Variants in SKI observed in about 807,000 individuals in gnomAD.
SKI encodes the protein SKI proto-oncogene, also known as ski oncogene.
Under a neutral mutation model 59.3 loss-of-function variants are expected in SKI, and 23 were observed. That is an observed-to-expected ratio of 0.39 (90% CI 0.28 to 0.55). The LOEUF (loss-of-function observed/expected upper bound fraction) is 0.55. SKI is among the 20% of genes least tolerant of loss of function. SKI has a pLI of 0.67. For synonymous variants in SKI, 673 were observed against 488.6 expected, an observed-to-expected ratio of 1.38 and a Z score of -4.98; for missense variants, 1,017 against 1,038.9, an observed-to-expected ratio of 0.98 and a Z score of 0.29.
intron 1 of SKI, among the ~76,000 whole-genome samples, chr1:2,280,476 C>T (rs1407342527): frequency 6.6e-6 from 1 of 152,052 alleles, no homozygotes; most frequent in Non-Finnish European, 1.5e-5. Flanking sequence ...AGTGACCGGA[C>T]ATTAAAATAC....
At position 2,267,170 on chromosome 1, in the gene SKI, G is replaced by A. The variant is rs1276765861; in HGVS notation, c.970-35808G>A. Among the ~76,000 whole-genome samples the A allele has an allele frequency of 6.6e-6, 1 of 152,126 alleles. No individual in the cohort carries two copies. The highest frequency in any genetic ancestry group is 1.5e-5 in the Non-Finnish European group (1 of 68,030). On this transcript the variant is annotated intron_variant, in intron 1 of 6. Coordinates refer to ENST00000378536, the MANE Select transcript of SKI (RefSeq NM_003036.4). This position sits in a 1 kb window ranked among gnomAD's most constrained non-coding sequence, Gnocchi z 4.1. ...GACTATTCAGGCGAGCAACTGCATC[G>A]AGCCAGCACTGAACTGGTTTTGTAA...
At chr1:2,256,303 T>C (rs1225854751) in intron 1 of SKI, among the ~76,000 whole-genome samples, 1 of 152,244 alleles carries the variant, frequency 6.6e-6, no homozygotes, top group Non-Finnish European at 1.5e-5. Context: ...CTGTCTGTGC[T>C]GCTTTCTGTC....
At chr1:2,279,099 C>T (rs1452425582) in intron 1 of SKI, among the ~76,000 whole-genome samples, 3 of 152,234 alleles carry the variant, frequency 2.0e-5, no homozygotes, top group African/African-American at 4.8e-5. Context: ...CTCCTGTCTC[C>T]TGGTGTCCCG....
chr1:2,291,765 C>T (rs1640167942), intron 1 of SKI, among the ~76,000 whole-genome samples: 1 of 152,254 alleles, frequency 6.6e-6, no homozygotes, highest in South Asian at 2.1e-4. Flanking sequence ...GGGAGCGCTA[C>T]TAATTGCTAC....
At chr1:2,253,804 C>A (rs1307828915) in intron 1 of SKI, among the ~76,000 whole-genome samples, 1 of 152,184 alleles carries the variant, frequency 6.6e-6, no homozygotes, top group Non-Finnish European at 1.5e-5. Context: ...TGTGCCCCCC[C>A]TACCAGGGCT....
At chr1:2,306,295 A>G (rs1175696652) in intron 6 of SKI, 45 bp downstream of exon 6, 6 of 1,475,478 alleles carry the variant, frequency 4.1e-6, no homozygotes, top group Non-Finnish European at 5.5e-6. Flanking sequence ...GTGGGCGTGG[A>G]GCCGCCGTGG....
intron 1 of SKI, among the ~76,000 whole-genome samples, chr1:2,263,140 A>G (rs1057234668): frequency 2.0e-5 from 3 of 151,714 alleles, no homozygotes; most frequent in Non-Finnish European, 4.4e-5. Context: ...ACCTCAAGTG[A>G]TCTGTCTGCC....
At chr1:2,272,385 G>A (rs1258016436) in intron 1 of SKI, among the ~76,000 whole-genome samples, 3 of 152,254 alleles carry the variant, frequency 2.0e-5, no homozygotes, top group Non-Finnish European at 4.4e-5. Context: ...AACCAGCGCA[G>A]TGGAAAGAGG....
rs1319885450 is a variant in SKI at position 2,304,026 on chromosome 1, G to T, written c.1398G>T (p.Glu466Asp). Residue 466 changes from glutamate (E) to aspartate (D), a missense_variant, in exon 4 of 7, where the codon GAG becomes GAT. Physicochemically the swap from Glu to Asp is conservative, Grantham distance 45 (BLOSUM62 2). Transcript: ENST00000378536. ...KLTVDTPGAPETLAPVAAPEE... is the reference protein window; with the variant it reads ...KLTVDTPGAPDTLAPVAAPEE... ...CTGTGGACACCCCAGGAGCCCCAGA[G>T]ACGCTGGCGCCCGTGGCTGCCCCAG... The T allele has an allele frequency of 1.9e-6, 3 of 1,612,416 alleles. No homozygotes were observed. In the East Asian group the frequency reaches 6.7e-5, roughly 36 times the overall value.
Position 2,241,715 on chromosome 1 carries a change from A to G in SKI, c.969+11980A>G, listed in dbSNP as rs371717672. On this transcript the variant is annotated intron_variant, in intron 1 of 6. Coordinates refer to ENST00000378536, the MANE Select transcript of SKI (RefSeq NM_003036.4). Reference sequence around the variant, plus strand: ...GCCAGGACTGTAATTTTTTGAAGCAAATCCCAGGCATCATCTTATTTCATA... The same window carrying G: ...GCCAGGACTGTAATTTTTTGAAGCAGATCCCAGGCATCATCTTATTTCATA... Among the ~76,000 whole-genome samples the G allele has an allele frequency of 1.3e-4, 20 of 152,274 alleles. No homozygotes were observed. In the East Asian group the frequency reaches 2.9e-3, roughly 22 times the overall value.
chr1:2,239,324 C>G (rs1448809072), intron 1 of SKI, among the ~76,000 whole-genome samples: 1 of 152,126 alleles, frequency 6.6e-6, no homozygotes, highest in African/African-American at 2.4e-5. Context: ...TGGGTTTTGT[C>G]TTAATTTATA....
chr1:2,253,424 C>A (rs1047275616), intron 1 of SKI, among the ~76,000 whole-genome samples: 1 of 152,180 alleles, frequency 6.6e-6, no homozygotes, highest in Non-Finnish European at 1.5e-5. Flanking sequence ...TTGGTGTATC[C>A]CTTGGTTTAC....
chr1:2,232,177 C>T (rs1388122030), intron 1 of SKI, among the ~76,000 whole-genome samples: 1 of 152,262 alleles, frequency 6.6e-6, no homozygotes. Context: ...TCTTCACTTC[C>T]TTTGTAGCTT....
At chr1:2,282,670 A>G (rs1273839669) in intron 1 of SKI, among the ~76,000 whole-genome samples, 28 of 152,058 alleles carry the variant, frequency 1.8e-4, no homozygotes, top group Admixed American at 1.8e-3. Flanking sequence ...CTCCACCCTC[A>G]TGATAGGGCC....
intron 1 of SKI, among the ~76,000 whole-genome samples, chr1:2,260,535 C>T (rs77974753): frequency 1.1e-3 from 75 of 67,764 alleles, no homozygotes; most frequent in East Asian, 1.4e-3. Context: ...TGTTCTTTTT[C>T]TTTTTTTTTT....
chr1:2,255,671 G>A (rs764637720), intron 1 of SKI, among the ~76,000 whole-genome samples: 1 of 151,292 alleles, frequency 6.6e-6, no homozygotes, highest in Admixed American at 6.6e-5. Flanking sequence ...CTCATTTCCT[G>A]TCTGGATCTC....
chr1:2,300,503 GC>G (rs1434027271), intron 1 of SKI, among the ~76,000 whole-genome samples: 1 of 152,232 alleles, frequency 6.6e-6, no homozygotes, highest in African/African-American at 2.4e-5. Flanking sequence ...TGACACTGGG[GC>G]CCCCAGGGGC....
At chr1:2,240,828 TC>T (rs1176892390) in intron 1 of SKI, 2 of 984,230 alleles carry the variant, frequency 2.0e-6, no homozygotes, top group Non-Finnish European at 2.4e-6. Context: ...CTTAGGAAAA[TC>T]CGTGCTGCCC....
At chr1:2,254,400 C>T (rs1277853608) in intron 1 of SKI, among the ~76,000 whole-genome samples, 2 of 152,216 alleles carry the variant, frequency 1.3e-5, no homozygotes, top group African/African-American at 2.4e-5. Flanking sequence ...GTGACATGTC[C>T]CCGTCCCAAA....
Sources: gnomAD v4.1 joint callset for allele counts (sites outside exome capture counted in the v4.1 genomes callset) on GRCh38, gnomAD v4.1.1 for gene constraint, Gnocchi (gnomAD v3.1) non-coding constraint, MANE v1.5 for transcripts, NCBI Gene and HGNC (gene_info 2026-07-23, HGNC 2026-07-21) for gene names.